Variants in CSMD1 observed in about 807,000 individuals in gnomAD.
CSMD1 encodes CUB and sushi domain-containing protein 1.
Under a neutral mutation model 417.5 loss-of-function variants are expected in CSMD1, and 213 were observed. That is an observed-to-expected ratio of 0.51 (90% CI 0.46 to 0.57). CSMD1 has a LOEUF of 0.57. Ranked by LOEUF, CSMD1 falls within the 20% of genes least tolerant of loss-of-function variation. CSMD1 has a pLI of 0.00. For missense variants in CSMD1, 6,923 were observed against 4,529.7 expected (o/e 1.53, Z -15.17); for synonymous variants, 2,862 against 1,736.8 (o/e 1.65, Z -16.11).
chr8:4,587,862 T>C (rs540922371), intron 2 of CSMD1, among the ~76,000 whole-genome samples: 10 of 152,328 alleles, frequency 6.6e-5, no homozygotes, highest in Admixed American at 5.9e-4. Flanking sequence ...TTATGAAATT[T>C]ATTGAAATGT....
intron 23 of CSMD1, among the ~76,000 whole-genome samples, chr8:3,318,010 C>T (rs529375234): frequency 7.2e-5 from 11 of 152,248 alleles, no homozygotes; most frequent in East Asian, 3.9e-4. Flanking sequence ...AGGGTTTCCC[C>T]GGCTGGGCTC....
Position 4,254,743 on chromosome 8 carries a change from A to T in CSMD1, c.415+165210T>A, listed in dbSNP as rs150160474. Among the ~76,000 whole-genome samples the T allele has an allele frequency of 1.2e-3, 187 of 151,900 alleles. 3 individuals carry two copies. Among genetic ancestry groups the T allele is most frequent in the African/African-American group, 4.2e-3 (173 of 41,370 alleles). On this transcript the variant is annotated intron_variant, in intron 3 of 69. Coordinates refer to ENST00000635120, the MANE Select transcript of CSMD1 (RefSeq NM_033225.6). The stretch of plus-strand genomic sequence containing the variant: ...TATGGTTATGTATCTTCAGATCTGC[A>T]AAGTCTTACCATTGTGTTACAGTTG...
intron 1 of CSMD1, among the ~76,000 whole-genome samples, chr8:4,769,880 AT>A (rs1796517584): frequency 6.6e-6 from 1 of 152,108 alleles, no homozygotes; most frequent in African/African-American, 2.4e-5. Flanking sequence ...CACTAACATC[AT>A]TTTTTCCTTT....
At chr8:3,293,144 G>A (rs1038973798) in intron 25 of CSMD1, among the ~76,000 whole-genome samples, 34 of 108,980 alleles carry the variant, frequency 3.1e-4, no homozygotes, top group African/African-American at 8.7e-4. Flanking sequence ...TAAGAATGTT[G>A]AATATTGCCC....
chr8:3,030,632 C>A (rs761966508), intron 50 of CSMD1, among the ~76,000 whole-genome samples: 2 of 151,820 alleles, frequency 1.3e-5, no homozygotes, highest in Non-Finnish European at 2.9e-5. Flanking sequence ...ATACAGATGT[C>A]CACCACCATG....
chr8:4,742,931 T>C (rs1030679571), intron 1 of CSMD1, among the ~76,000 whole-genome samples: 7 of 152,166 alleles, frequency 4.6e-5, no homozygotes, highest in African/African-American at 1.7e-4. Flanking sequence ...ATTGTAAAAA[T>C]GTATAAATGA....
Position 2,978,713 on chromosome 8 carries a change from C to G in CSMD1, c.8465G>C (p.Ser2822Thr), listed in dbSNP as rs1276579001. The G allele has an allele frequency of 6.2e-7, 1 of 1,613,020 alleles. No individual in the cohort carries two copies. The highest frequency in any genetic ancestry group is 8.5e-7 in the Non-Finnish European group (1 of 1,179,578). Residue 2822 changes from serine to threonine, a missense_variant, in exon 55 of 70, where the codon AGT becomes ACT. By Grantham distance (58) the Ser-to-Thr change is moderately conservative. Coordinates refer to ENST00000635120, the MANE Select transcript of CSMD1 (RefSeq NM_033225.6). ...TCCCTTCTTGCAATGGTACAGGATA[C>G]TCATTCCATACTCAAAACTCTCAGG... is the stretch of plus-strand genomic sequence containing the variant. ...NFPESFEYGM[S>T]ILYHCKKGFY...
rs374135904 is a variant in CSMD1, at chr8:3,284,283, C to T, written c.4014G>A (p.Pro1338=). 55 of 1,613,796 alleles carry T rather than the reference C, an allele frequency of 3.4e-5. No homozygotes were observed. The highest frequency in any genetic ancestry group is 4.4e-5 in the Non-Finnish European group (52 of 1,179,870). The stretch of plus-strand genomic sequence containing the variant: ...CCTTCAGCAGGATGTCACTGTCCAC[C>T]GGCCCGTCCCAGACCTTGAGGATGT... The part of the protein sequence containing the change: ...AHDILKVWDG[P]VDSDILLKEW... Residue 1338 remains proline (P), a synonymous_variant, in exon 26 of 70, where the codon CCG becomes CCA. Coordinates refer to ENST00000635120, the MANE Select transcript of CSMD1 (RefSeq NM_033225.6).
chr8:3,468,812 G>C lies in CSMD1; in HGVS notation c.1461C>G (p.Ser487=), dbSNP rs1441727399. The change falls in exon 12 of 70, where the codon TCC becomes TCG. Residue 487 remains serine (S), a synonymous_variant. Coordinates refer to ENST00000635120, the MANE Select transcript of CSMD1 (RefSeq NM_033225.6). ...TGCTCACAATGAGGTCAGGAACACT[G>C]GATCCCGTGAGCCTGCAAGAAAGAG... The part of the protein sequence containing the change: ...TRSVLYVLTG[S]SVPDLIVSMS... The C allele has an allele frequency of 2.5e-6, 4 of 1,595,948 alleles. No individual in the cohort carries two copies. The highest frequency in any genetic ancestry group is 1.3e-5 in the African/African-American group (1 of 74,798).
chr8:4,745,913 C>A (rs1395876566), intron 1 of CSMD1, among the ~76,000 whole-genome samples: 1 of 152,222 alleles, frequency 6.6e-6, no homozygotes, highest in Non-Finnish European at 1.5e-5. Context: ...GCAATCAAGT[C>A]AGCTAACTTT....
At chr8:3,874,259 G>A (rs1805670565) in intron 5 of CSMD1, among the ~76,000 whole-genome samples, 1 of 152,154 alleles carries the variant, frequency 6.6e-6, no homozygotes, top group Non-Finnish European at 1.5e-5. Context: ...TTATTTTACT[G>A]TTAGAATGCT....
At chr8:4,741,988 C>G (rs1337713002) in intron 1 of CSMD1, among the ~76,000 whole-genome samples, 1 of 141,540 alleles carries the variant, frequency 7.1e-6, no homozygotes. Flanking sequence ...TCCGCACGCA[C>G]CACCACACCC....
At chr8:3,295,967 G>C (rs367823065) in intron 25 of CSMD1, among the ~76,000 whole-genome samples, 1 of 152,076 alleles carries the variant, frequency 6.6e-6, no homozygotes, top group Non-Finnish European at 1.5e-5. Flanking sequence ...TGCCTTCGTG[G>C]AGTTCGTGTT....
intron 25 of CSMD1, among the ~76,000 whole-genome samples, chr8:3,306,950 A>G (rs1341446944): frequency 2.0e-5 from 3 of 152,016 alleles, no homozygotes; most frequent in African/African-American, 7.2e-5. Flanking sequence ...TGTTCACATC[A>G]TTTTCTGAAA....
intron 1 of CSMD1, among the ~76,000 whole-genome samples, chr8:4,697,311 A>G (rs957426047): frequency 3.9e-5 from 6 of 152,218 alleles, no homozygotes; most frequent in Non-Finnish European, 5.9e-5. Context: ...GGACTTAGTT[A>G]TCATTGCCCT....
chr8:3,581,029 CAAT>C (rs1417553920), intron 9 of CSMD1, among the ~76,000 whole-genome samples: 1 of 152,076 alleles, frequency 6.6e-6, no homozygotes, highest in Non-Finnish European at 1.5e-5. Flanking sequence ...TTACAACTGG[CAAT>C]AATACTTTAT....
At chr8:3,486,199 T>G (rs1285361207) in intron 11 of CSMD1, among the ~76,000 whole-genome samples, 2 of 152,234 alleles carry the variant, frequency 1.3e-5, no homozygotes, top group Non-Finnish European at 2.9e-5. Flanking sequence ...TTTATTATAT[T>G]AAGACAGCGA....
At chr8:3,053,678 C>T (rs1178630216) in intron 49 of CSMD1, among the ~76,000 whole-genome samples, 2 of 152,116 alleles carry the variant, frequency 1.3e-5, no homozygotes, top group Non-Finnish European at 2.9e-5. Flanking sequence ...ACCCTTTCTT[C>T]TTAAATTTGC....
At chr8:3,557,662 G>C (rs1402334869) in intron 10 of CSMD1, among the ~76,000 whole-genome samples, 3 of 152,054 alleles carry the variant, frequency 2.0e-5, no homozygotes, top group Non-Finnish European at 4.4e-5. Context: ...GAAATGCTTG[G>C]AGCATGGAGA....
Sources: gnomAD v4.1 joint callset for allele counts (sites outside exome capture counted in the v4.1 genomes callset) on GRCh38, gnomAD v4.1.1 for gene constraint, MANE v1.5 for transcripts, NCBI Gene and HGNC (gene_info 2026-07-23, HGNC 2026-07-21) for gene names.